DACH1: variants seen among roughly 807,000 people sequenced by gnomAD.
The protein encoded by DACH1 is dachshund family transcription factor 1, also known as dachshund homolog 1.
In DACH1, 12 loss-of-function variants were observed where a neutral mutation model predicts 54.2. That is an observed-to-expected ratio of 0.22 (90% confidence interval 0.14 to 0.36). The LOEUF is 0.36. Among genes scored for constraint, DACH1 ranks in the 10% least tolerant of loss-of-function variants. The probability of loss-of-function intolerance (pLI) is 1.00; values close to 1 mark genes in which losing one functional copy is unlikely to be tolerated. For missense variants in DACH1, 805 were observed against 929.8 expected, an observed-to-expected ratio of 0.87 and a Z score of 1.75; for synonymous variants, 386 against 366.2, an observed-to-expected ratio of 1.05 and a Z score of -0.62.
At chr13:71,445,236 C>T (rs1874346480) in intron 10 of DACH1, among the ~76,000 whole-genome samples, 1 of 152,024 alleles carries the variant, frequency 6.6e-6, no homozygotes, top group Non-Finnish European at 1.5e-5. Flanking sequence ...AAATTATTAG[C>T]ATGTTAGAAA....
At chr13:71,791,811 A>G (rs1341142549) in intron 1 of DACH1, among the ~76,000 whole-genome samples, 1 of 152,214 alleles carries the variant, frequency 6.6e-6, no homozygotes, top group Non-Finnish European at 1.5e-5. Context: ...CCCAACTACA[A>G]CTTGTTTAAG....
chr13:71,658,175 T>C (rs977353007), intron 2 of DACH1, among the ~76,000 whole-genome samples: 1 of 152,328 alleles, frequency 6.6e-6, no homozygotes, highest in Middle Eastern at 3.4e-3. Flanking sequence ...ATCAAGGTAA[T>C]AAAACTGAAT....
intron 2 of DACH1, among the ~76,000 whole-genome samples, chr13:71,666,844 TG>T (rs1440083830): frequency 6.6e-6 from 1 of 151,942 alleles, no homozygotes; most frequent in Non-Finnish European, 1.5e-5. Context: ...CGGCTGGGTG[TG>T]GTGGTGTGTG....
intron 1 of DACH1, among the ~76,000 whole-genome samples, chr13:71,839,572 A>G (rs1888937357): frequency 6.6e-6 from 1 of 152,168 alleles, no homozygotes; most frequent in African/African-American, 2.4e-5. Flanking sequence ...ATGCCACTGC[A>G]CTCCAGCCTG....
intron 3 of DACH1, among the ~76,000 whole-genome samples, chr13:71,596,177 AT>A (rs1314317701): frequency 1.3e-5 from 2 of 152,042 alleles, no homozygotes; most frequent in African/African-American, 2.4e-5. Context: ...TTCATACTTC[AT>A]TTTTTAGGTT....
At position 71,866,206 on chromosome 13, in the gene DACH1, G is replaced by T; in HGVS notation, c.564C>A (p.Cys188Ter). 6.2e-7 allele frequency: 1 copy of T among 1,612,884 alleles called. No individual in the cohort carries two copies. Among genetic ancestry groups the T allele is most frequent in the Non-Finnish European group, 8.5e-7 (1 of 1,179,468 alleles). Residue 188 changes from cysteine (C) to a stop codon, truncating the protein, a stop_gained, in exon 1 of 11, where the codon TGC becomes TGA. Transcript: ENST00000613252. LOFTEE classifies it high-confidence loss of function. ...PVENTPQNNE[C>*]KMVDLRGAKV... ...TGGCCCCCCTCAGATCCACCATTTT[G>T]CACTCATTATTCTGAGGGGTGTTTT...
intron 1 of DACH1, among the ~76,000 whole-genome samples, chr13:71,854,136 G>A (rs551720416): frequency 1.3e-5 from 2 of 151,934 alleles, no homozygotes; most frequent in Non-Finnish European, 2.9e-5. Context: ...CCTAAGCTTG[G>A]AATAAAATAC....
intron 10 of DACH1, among the ~76,000 whole-genome samples, chr13:71,446,008 C>G (rs942848830): frequency 1.3e-5 from 2 of 152,168 alleles, no homozygotes; most frequent in African/African-American, 4.8e-5. Context: ...TTTCCTGACT[C>G]TTCAAACAGC....
intron 6 of DACH1, among the ~76,000 whole-genome samples, chr13:71,505,087 T>G (rs1183337978): frequency 6.6e-6 from 1 of 152,072 alleles, no homozygotes; most frequent in East Asian, 1.9e-4. Flanking sequence ...CCTTCCTTCC[T>G]TCCTTCTTTC....
rs574905329 is a variant in DACH1 at position 71,477,653 on chromosome 13, T to G, written c.1870+1516A>C. ...GTTTCCCTTTCCAAAAATGATTATTTATGAGTCTCTTTGTAAAGAAACAGT... is the reference window on the plus strand; with the variant it reads ...GTTTCCCTTTCCAAAAATGATTATTGATGAGTCTCTTTGTAAAGAAACAGT... On this transcript the variant is annotated intron_variant, in intron 8 of 10. Transcript: ENST00000613252. Among the ~76,000 whole-genome samples, 5 of 152,270 alleles carry G rather than the reference T, an allele frequency of 3.3e-5. No individual in the cohort carries two copies. The South Asian group carries it at 1.0e-3, about 32-fold the overall frequency.
At chr13:71,525,354 T>TA (rs1301664961) in intron 6 of DACH1, among the ~76,000 whole-genome samples, 19 of 152,198 alleles carry the variant, frequency 1.2e-4, no homozygotes, top group African/African-American at 3.9e-4. Flanking sequence ...AAATCTTTTT[T>TA]AAAAAAATCC....
chr13:71,803,040 T>C (rs997080339), intron 1 of DACH1, among the ~76,000 whole-genome samples: 3 of 152,170 alleles, frequency 2.0e-5, no homozygotes, highest in Non-Finnish European at 4.4e-5. Context: ...TAATAACTTG[T>C]GGGTAAAATT....
intron 1 of DACH1, among the ~76,000 whole-genome samples, chr13:71,711,642 AT>A (rs1566450587): frequency 6.6e-6 from 1 of 152,018 alleles, no homozygotes; most frequent in South Asian, 2.1e-4. Context: ...ACCAGAATTA[AT>A]TTTTTTTAAA....
intron 1 of DACH1, among the ~76,000 whole-genome samples, chr13:71,858,323 T>G (rs1300570425): frequency 6.6e-6 from 1 of 151,726 alleles, no homozygotes. Flanking sequence ...CATTTAACAC[T>G]GTGACTTTTT....
At chr13:71,777,138 T>C (rs1886096343) in intron 1 of DACH1, among the ~76,000 whole-genome samples, 1 of 152,202 alleles carries the variant, frequency 6.6e-6, no homozygotes, top group African/African-American at 2.4e-5. Flanking sequence ...TCAGATGAGT[T>C]CCTTAAAATG....
intron 1 of DACH1, among the ~76,000 whole-genome samples, chr13:71,848,765 T>C (rs980145004): frequency 6.6e-6 from 1 of 152,096 alleles, no homozygotes; most frequent in African/African-American, 2.4e-5. Context: ...GCTCAAGTGA[T>C]CCTCCCACCT....
At position 71,637,357 on chromosome 13, in the gene DACH1, C is replaced by T. The variant is rs78124900; in HGVS notation, c.965-6640G>A. ...CACTGAAACTGTGAAGTAACTCATACGATCCATCATGTCTCTATGTTTAGT... is the reference window on the plus strand; with the variant it reads ...CACTGAAACTGTGAAGTAACTCATATGATCCATCATGTCTCTATGTTTAGT... On this transcript the variant is annotated intron_variant, in intron 2 of 10. Coordinates refer to ENST00000613252, the MANE Select transcript of DACH1 (RefSeq NM_080759.6). Among the ~76,000 whole-genome samples the T allele has an allele frequency of 5.3e-3, 811 of 152,244 alleles. 12 individuals are homozygous for T. The highest frequency in any genetic ancestry group is 0.018 in the African/African-American group (752 of 41,548).
chr13:71,624,194 G>C (rs1227992146), intron 3 of DACH1, among the ~76,000 whole-genome samples: 1 of 151,856 alleles, frequency 6.6e-6, no homozygotes, highest in Non-Finnish European at 1.5e-5. Flanking sequence ...AGGATATGAA[G>C]ATATCTTTTG....
At chr13:71,631,156 C>T (rs1324979070) in intron 2 of DACH1, among the ~76,000 whole-genome samples, 14 of 152,164 alleles carry the variant, frequency 9.2e-5, no homozygotes, top group Non-Finnish European at 2.1e-4. Context: ...CACACCCTGG[C>T]TATATCACAG....
Sources: gnomAD v4.1 joint callset for allele counts (sites outside exome capture counted in the v4.1 genomes callset) on GRCh38, gnomAD v4.1.1 for gene constraint, MANE v1.5 for transcripts, NCBI Gene and HGNC (gene_info 2026-07-23, HGNC 2026-07-21) for gene names.